Variants in TNRC18 observed in about 807,000 individuals in gnomAD.
TNRC18 encodes the protein trinucleotide repeat containing 18.
TNRC18 carries 69 observed loss-of-function variants against 226.7 expected under a neutral mutation model. The observed-to-expected ratio is 0.30, with a 90% CI of 0.25 to 0.37. The LOEUF is 0.37. Among genes scored for constraint, TNRC18 ranks in the 10% least tolerant of loss-of-function variants. TNRC18 has a pLI of 1.00. For synonymous variants in TNRC18, 2,449 were observed against 1,927.6 expected, an observed-to-expected ratio of 1.27 and a Z score of -7.09; for missense variants, 4,754 against 4,256.6, an observed-to-expected ratio of 1.12 and a Z score of -3.25.
At chr7:5,415,369 CTTTTTT>C (rs368389351) in intron 2 of TNRC18, among the ~76,000 whole-genome samples, 5 of 83,138 alleles carry the variant, frequency 6.0e-5, no homozygotes, top group South Asian at 4.8e-4. Context: ...CTGTGTCCCT[CTTTTTT>C]TTTTTTTTTT....
intron 19 of TNRC18, among the ~76,000 whole-genome samples, chr7:5,327,046 C>A (rs1378366876): frequency 6.6e-6 from 1 of 152,120 alleles, no homozygotes; most frequent in African/African-American, 2.4e-5. Flanking sequence ...ATCGCTTGAA[C>A]CAGGAGACGG....
Position 5,308,056 on chromosome 7 carries a change from G to T in TNRC18, c.*50C>A. On this transcript the variant is annotated 3_prime_UTR_variant, in exon 30 of 30. Coordinates refer to ENST00000430969, the MANE Select transcript of TNRC18 (RefSeq NM_001080495.3). ...TCCGCGCCATGGCAGTGATGGAGAT[G>T]GGTCCCTGGCCGCCCTCGGGGCACA... The T allele has an allele frequency of 6.7e-7, 1 of 1,501,194 alleles. No homozygotes were observed. The highest frequency in any genetic ancestry group is 9.0e-7 in the Non-Finnish European group (1 of 1,109,110). 93.0% of individuals were successfully genotyped at this position (1,501,194 alleles called of 1,614,324 possible).
chr7:5,351,543 G>A (rs1008197185), intron 17 of TNRC18, among the ~76,000 whole-genome samples: 9 of 152,146 alleles, frequency 5.9e-5, no homozygotes, highest in Non-Finnish European at 1.0e-4. Flanking sequence ...GGAGAGAAAC[G>A]CAGACTCAAA....
chr7:5,377,326 A>ACCCC lies in TNRC18; in HGVS notation c.2461+41_2461+44dup. 3.6e-6 allele frequency: 2 copies of ACCCC among 560,766 alleles called. No homozygotes were observed. Among genetic ancestry groups the ACCCC allele is most frequent in the African/African-American group, 2.1e-5 (1 of 46,712 alleles). The allele number at this position is 560,766 out of a possible 1,614,324, so 34.7% of individuals were successfully genotyped here. A position where few individuals can be genotyped will look rare whatever the true frequency, so the allele number is the denominator to read the frequency against. On this transcript the variant is annotated intron_variant, in intron 7 of 29. Coordinates refer to ENST00000430969, the MANE Select transcript of TNRC18 (RefSeq NM_001080495.3). This position sits in a 1 kb window ranked among gnomAD's most constrained non-coding sequence, Gnocchi z 5.8. ...TCTTGTCCTGCACCCGCCCCCTCCC[A>ACCCC]CCCCTCCCTCAGAGAAGGGGAGAGA... is the stretch of plus-strand genomic sequence containing the variant.
chr7:5,398,871 G>A (rs916951668), intron 2 of TNRC18, among the ~76,000 whole-genome samples: 3 of 152,006 alleles, frequency 2.0e-5, no homozygotes, highest in South Asian at 4.1e-4. Context: ...CGATCCTCCT[G>A]CCTTGGCCTC....
intron 18 of TNRC18, among the ~76,000 whole-genome samples, chr7:5,341,762 CAAAA>C (rs34897154): frequency 3.6e-4 from 33 of 92,182 alleles, no homozygotes; most frequent in Admixed American, 4.9e-4. Context: ...GACTCCGTCT[CAAAA>C]AAAAAAAAAA....
In TNRC18 at chr7:5,370,850, C is replaced by T; in HGVS notation, c.3744G>A (p.Gln1248=). 1 of 1,609,142 alleles carries T rather than the reference C, an allele frequency of 6.2e-7. No individual in the cohort carries two copies. Residue 1248 remains glutamine, a synonymous_variant, in exon 11 of 30, where the codon CAG becomes CAA. Coordinates refer to ENST00000430969, the MANE Select transcript of TNRC18 (RefSeq NM_001080495.3). ...PCTAALDLGV[Q]LTPETLVEAK... ...CCTCCACCAGTGTCTCGGGTGTCAG[C>T]TGCACCCCCAGGTCCAGGGCGGCGG...
In TNRC18 at chr7:5,357,159, T is replaced by C. The variant is rs761409671; in HGVS notation, c.4951A>G (p.Ser1651Gly). Residue 1651 changes from serine (S) to glycine (G), a missense_variant, in exon 16 of 30, where the codon AGT becomes GGT. By Grantham distance (56) the Ser-to-Gly change is moderately conservative. Coordinates refer to ENST00000430969, the MANE Select transcript of TNRC18 (RefSeq NM_001080495.3). ...CTAGTTTTCGATTTCCCCCCAGCAC[T>C]GTCCGAAAACTTGAAGGGCGACTTC... ...KLKSPFKFSD[S>G]AGGKSKTSGG... 3.1e-6 allele frequency: 5 copies of C among 1,590,202 alleles called. No homozygotes were observed. In the Admixed American group the frequency reaches 9.0e-5, roughly 29 times the overall value.
chr7:5,357,129 C>T lies in TNRC18; in HGVS notation c.4981G>A (p.Gly1661Ser). The T allele has an allele frequency of 6.4e-7, 1 of 1,558,788 alleles. No individual in the cohort carries two copies. The highest frequency in any genetic ancestry group is 8.7e-7 in the Non-Finnish European group (1 of 1,150,606). The change falls in exon 16 of 30, where the codon GGC becomes AGC. Residue 1661 changes from glycine (G) to serine (S), a missense_variant. Physicochemically the swap from Gly to Ser is moderately conservative, Grantham distance 56. Coordinates refer to ENST00000430969, the MANE Select transcript of TNRC18 (RefSeq NM_001080495.3). ...TAAGGAGTCAAGTACCTGCCGCAGCCCCCGCTAGTTTTCGATTTCCCCCCA... is the reference window on the plus strand; with the variant it reads ...TAAGGAGTCAAGTACCTGCCGCAGCTCCCGCTAGTTTTCGATTTCCCCCCA... ...SAGGKSKTSG[G>S]CGRYLTPYDS...
At chr7:5,386,772 A>G (rs2128191041) in intron 5 of TNRC18, among the ~76,000 whole-genome samples, 1 of 152,148 alleles carries the variant, frequency 6.6e-6, no homozygotes, top group East Asian at 1.9e-4. Flanking sequence ...ATAATTTATA[A>G]ACTAAAAATA....
At chr7:5,321,384 G>T (rs868142591) in intron 21 of TNRC18, among the ~76,000 whole-genome samples, 194 bp from the exon 22 acceptor site, 3 of 152,164 alleles carry the variant, frequency 2.0e-5, no homozygotes, top group Admixed American at 1.3e-4. Context: ...CAGTGAGCAT[G>T]TACAGGGTGC....
chr7:5,357,264 T>G lies in TNRC18; in HGVS notation c.4846A>C (p.Lys1616Gln). The G allele has an allele frequency of 1.2e-6, 2 of 1,610,416 alleles. No individual in the cohort carries two copies. Among genetic ancestry groups the G allele is most frequent in the Non-Finnish European group, 1.7e-6 (2 of 1,178,324 alleles). Residue 1616 changes from lysine (K) to glutamine (Q), a missense_variant, in exon 16 of 30, where the codon AAG becomes CAG. Transcript: ENST00000430969. ...TCCTGGTCGCTGGCCATCTTCTTCT[T>G]CTTAATCTTTAGCTGGAGAGGGAAG... ...SDFISQLKIK[K>Q]KKMASDQEQL...
At chr7:5,323,489 C>A (rs1325128114) in intron 21 of TNRC18, among the ~76,000 whole-genome samples, 4 of 151,658 alleles carry the variant, frequency 2.6e-5, no homozygotes, top group East Asian at 1.9e-4. Context: ...AACCCACTCT[C>A]GCCTGGACAG....
intron 2 of TNRC18, among the ~76,000 whole-genome samples, chr7:5,405,840 G>A (rs757064335): frequency 6.6e-6 from 1 of 152,188 alleles, no homozygotes; most frequent in African/African-American, 2.4e-5. Flanking sequence ...AAGGCAGGAG[G>A]ATCACTTGAG....
Position 5,374,495 on chromosome 7 carries a change from G to A in TNRC18, c.2800-11C>T. On this transcript the variant is annotated splice_polypyrimidine_tract_variant and intron_variant, in intron 9 of 29. Transcript: ENST00000430969. ...CTTCAACCGCTCCTGCTGGGAAGGG[G>A]CCGGCAGGCAGGGTCAGCACGGCAC... is the stretch of plus-strand genomic sequence containing the variant. The A allele has an allele frequency of 6.5e-7, 1 of 1,541,946 alleles. No homozygotes were observed. Among genetic ancestry groups the A allele is most frequent in the South Asian group, 1.2e-5 (1 of 83,820 alleles).
chr7:5,347,368 T>G (rs906977942), intron 17 of TNRC18, among the ~76,000 whole-genome samples: 2 of 150,180 alleles, frequency 1.3e-5, no homozygotes, highest in African/African-American at 4.9e-5. Context: ...TTTTTTTTTT[T>G]TGTATTTTTA....
rs1409456217 is a variant in TNRC18, at chr7:5,421,316, C to G, written c.-70G>C. On this transcript the variant is annotated 5_prime_UTR_variant, in exon 2 of 30. Transcript: ENST00000430969. Reference sequence around the variant, plus strand: ...CCTAGCTCAGTGGGACCTAAAAGTTCGGCCTCGGCGTAGTCCCAGAGTCCT... The same window carrying G: ...CCTAGCTCAGTGGGACCTAAAAGTTGGGCCTCGGCGTAGTCCCAGAGTCCT... The G allele has an allele frequency of 8.2e-7, 1 of 1,215,996 alleles. No homozygotes were observed. Among genetic ancestry groups the G allele is most frequent in the Non-Finnish European group, 1.0e-6 (1 of 972,610 alleles). The allele number at this position is 1,215,996 out of a possible 1,614,324, so 75.3% of individuals were successfully genotyped here. A position where few individuals can be genotyped will look rare whatever the true frequency, so the allele number is the denominator to read the frequency against.
intron 5 of TNRC18, among the ~76,000 whole-genome samples, chr7:5,379,176 AACAG>A (rs1301059520): frequency 6.6e-6 from 1 of 151,754 alleles, no homozygotes; most frequent in Non-Finnish European, 1.5e-5. Context: ...CAGCCTGGAC[AACAG>A]ACAGAATAAG....
chr7:5,421,008 G>C (rs868553280), intron 2 of TNRC18, 52 bp downstream of exon 2: 59 of 1,544,010 alleles, frequency 3.8e-5, no homozygotes, highest in Non-Finnish European at 4.7e-5. Flanking sequence ...ACCCGGCCGA[G>C]TGGATCTCCC....
Sources: allele counts gnomAD v4.1 joint callset (sites outside exome capture counted in the v4.1 genomes callset), GRCh38; gene constraint gnomAD v4.1.1; non-coding constraint Gnocchi (gnomAD v3.1); transcripts MANE v1.5; gene names NCBI Gene and HGNC (gene_info 2026-07-23, HGNC 2026-07-21).